The following IPO8 variants were observed in gnomAD, a reference collection of about 807,000 sequenced individuals.
IPO8 encodes the protein importin 8.
In IPO8, 65 loss-of-function variants were observed where a neutral mutation model predicts 141.2. The ratio of observed to expected loss-of-function variants is 0.46; its 90% CI spans 0.38 to 0.57. The LOEUF (loss-of-function observed/expected upper bound fraction) is 0.57, where lower values mean the gene tolerates loss of function less well. Ranked by LOEUF, IPO8 falls within the 20% of genes least tolerant of loss-of-function variation. The pLI is 0.00. For missense variants in IPO8, 980 were observed against 1,246.8 expected (o/e 0.79, Z 3.22); for synonymous variants, 411 against 420.3 (o/e 0.98, Z 0.27).
At position 30,665,387 on chromosome 12, in the gene IPO8, T is replaced by C. The variant is rs535453394; in HGVS notation, c.1339-78A>G. Reference sequence around the variant, plus strand: ...ACTTCCTAATCAAGTGTGTTTACTATGACTTGCATTTAATATACTTCTAAT... The same window carrying C: ...ACTTCCTAATCAAGTGTGTTTACTACGACTTGCATTTAATATACTTCTAAT... On this transcript the variant is annotated intron_variant, in intron 12 of 24. Coordinates refer to ENST00000256079, the MANE Select transcript of IPO8 (RefSeq NM_006390.4). 1,094 of 834,774 alleles carry C rather than the reference T, an allele frequency of 1.3e-3. 5 individuals are homozygous for C. The highest frequency in any genetic ancestry group is 2.9e-3 in the Middle Eastern group (13 of 4,482). 51.7% of individuals were successfully genotyped at this position (834,774 alleles called of 1,614,324 possible).
At chr12:30,667,072 T>C (rs1327514925) in intron 10 of IPO8, among the ~76,000 whole-genome samples, 3 of 152,166 alleles carry the variant, frequency 2.0e-5, no homozygotes, top group Non-Finnish European at 4.4e-5. Flanking sequence ...CTTGTTTAAA[T>C]ACAAAAGATA....
At chr12:30,644,145 A>G (rs1446343339) in intron 20 of IPO8, among the ~76,000 whole-genome samples, 1 of 152,172 alleles carries the variant, frequency 6.6e-6, no homozygotes, top group African/African-American at 2.4e-5. Flanking sequence ...AGGCAGGAGG[A>G]TCACTTGAAG....
Position 30,681,978 on chromosome 12 carries a change from C to T in IPO8, c.324-161G>A, listed in dbSNP as rs369075422. ...AAAAGACATATCTAAAAAACATCCT[C>T]AGTGGCTCAACTTGTTGAAAATAAA... On this transcript the variant is annotated intron_variant, in intron 3 of 24. Coordinates refer to ENST00000256079, the MANE Select transcript of IPO8 (RefSeq NM_006390.4). Among the ~76,000 whole-genome samples the T allele has an allele frequency of 4.5e-4, 68 of 152,270 alleles. No homozygotes were observed. The South Asian group carries it at 0.014, about 31-fold the overall frequency.
At chr12:30,671,568 G>T (rs2136159939) in intron 8 of IPO8, among the ~76,000 whole-genome samples, 2 of 151,784 alleles carry the variant, frequency 1.3e-5, no homozygotes, top group East Asian at 3.9e-4. Context: ...CAGCTACTGG[G>T]GAGGCTGAGG....
chr12:30,637,054 C>A lies in IPO8; in HGVS notation c.2623G>T (p.Val875Phe). 1 of 1,614,056 alleles carries A rather than the reference C, an allele frequency of 6.2e-7. No homozygotes were observed. Among genetic ancestry groups the A allele is most frequent in the East Asian group, 2.2e-5 (1 of 44,866 alleles). ...TTTACCAGTTGTCTAGTAGCACAGA[C>A]CTGCTTTAGGCCAAGGAAAAGGAAA... ...ILFLFLGLKQ[V>F]CATRQLVNRE... is the part of the protein sequence containing the mutation. The change falls in exon 22 of 25, where the codon GTC (valine) becomes TTC (phenylalanine). Residue 875 changes from valine (V) to phenylalanine (F), a missense_variant. Transcript: ENST00000256079.
chr12:30,680,432 T>C, intron 5 of IPO8, 50 bp downstream of exon 5: 1 of 1,443,300 alleles, frequency 6.9e-7, no homozygotes, highest in Non-Finnish European at 9.5e-7. Flanking sequence ...TTTCCATGTG[T>C]CAGGCAGAAA....
intron 19 of IPO8, among the ~76,000 whole-genome samples, chr12:30,650,286 A>G (rs1031907086): frequency 3.9e-5 from 6 of 152,104 alleles, no homozygotes; most frequent in Non-Finnish European, 8.8e-5. Flanking sequence ...ATTCCCATTT[A>G]ATTTCATTCT....
intron 3 of IPO8, among the ~76,000 whole-genome samples, chr12:30,683,542 T>C (rs1250615678): frequency 3.3e-5 from 5 of 152,216 alleles, no homozygotes; most frequent in Non-Finnish European, 7.4e-5. Flanking sequence ...GTTTCTCCTA[T>C]TTTAAGATTG....
chr12:30,645,138 C>T (rs190191745), intron 20 of IPO8, among the ~76,000 whole-genome samples: 1 of 151,730 alleles, frequency 6.6e-6, no homozygotes, highest in Non-Finnish European at 1.5e-5. Flanking sequence ...CTTTGGGGGG[C>T]TGAGGCTGGT....
At position 30,676,528 on chromosome 12, in the gene IPO8, G is replaced by C. The variant is rs2053122341; in HGVS notation, c.699C>G (p.Phe233Leu). The C allele has an allele frequency of 2.5e-6, 4 of 1,613,526 alleles. No individual in the cohort carries two copies. The highest frequency in any genetic ancestry group is 1.7e-4 in the Middle Eastern group (1 of 6,058). The change falls in exon 6 of 25, where the codon TTC (phenylalanine) becomes TTG (leucine). Residue 233 changes from phenylalanine (F) to leucine (L), a missense_variant. By Grantham distance (22) the Phe-to-Leu change is conservative (BLOSUM62 0). Around this residue, in one of 3 missense-constraint regions of IPO8, gnomAD observed 924 missense variants for 1,153.9 expected, o/e 0.80. Coordinates refer to ENST00000256079, the MANE Select transcript of IPO8 (RefSeq NM_006390.4). ...GAACGGTCCTGTCGATAATAGTTCG[G>C]AAGATCTCCATCCATGTTGTCATGG... ...NQTMTTWMEI[F>L]RTIIDRTVPP...
intron 14 of IPO8, 72 bp downstream of exon 14, chr12:30,663,411 CATGGAG>C: frequency 8.2e-7 from 1 of 1,225,836 alleles, no homozygotes; most frequent in Non-Finnish European, 1.1e-6. Flanking sequence ...AACCCTCAGA[CATGGAG>C]ATGCATCTTC....
At position 30,630,703 on chromosome 12, in the gene IPO8, G is replaced by T; in HGVS notation, c.*157C>A. On this transcript the variant is annotated 3_prime_UTR_variant, in exon 25 of 25. Transcript: ENST00000256079. Reference sequence around the variant, plus strand: ...ATATTTCAGGGTGACAAAGGTCAAAGGGGAAAGAGTAGATAAAAGTGCTGC... The same window carrying T: ...ATATTTCAGGGTGACAAAGGTCAAATGGGAAAGAGTAGATAAAAGTGCTGC... 7 of 600,034 alleles carry T rather than the reference G, an allele frequency of 1.2e-5. No homozygotes were observed. In the South Asian group the frequency reaches 1.5e-4, roughly 13 times the overall value. The allele number at this position is 600,034 out of a possible 1,614,324, so 37.2% of individuals were successfully genotyped here.
intron 20 of IPO8, among the ~76,000 whole-genome samples, chr12:30,641,814 T>G (rs896222250): frequency 6.6e-6 from 1 of 152,240 alleles, no homozygotes; most frequent in African/African-American, 2.4e-5. Context: ...GTAATTAAGA[T>G]GAGAACCAGA....
intron 20 of IPO8, among the ~76,000 whole-genome samples, chr12:30,640,970 C>T (rs2052567245): frequency 1.3e-5 from 2 of 152,244 alleles, no homozygotes; most frequent in East Asian, 1.9e-4. Context: ...TATAAACATA[C>T]AATTATGTCA....
chr12:30,652,096 C>T, intron 19 of IPO8, 96 bp downstream of exon 19: 1 of 646,680 alleles, frequency 1.5e-6, no homozygotes, highest in South Asian at 1.9e-5. Context: ...TAATGCAGAA[C>T]TAAATGTGTA....
intron 15 of IPO8, 135 bp from the exon 16 acceptor site, chr12:30,661,401 TGAA>T: frequency 6.6e-6 from 4 of 605,136 alleles, no homozygotes; most frequent in Non-Finnish European, 1.0e-5. Flanking sequence ...CTTTGCTGAC[TGAA>T]TCATCTCTCT....
chr12:30,646,279 A>G (rs1448312324), intron 20 of IPO8, among the ~76,000 whole-genome samples: 2 of 152,192 alleles, frequency 1.3e-5, no homozygotes, highest in Non-Finnish European at 2.9e-5. Context: ...ATAGATGCAG[A>G]AAAAAGCATT....
rs1423907451 is a variant in IPO8 at position 30,674,706 on chromosome 12, C to G, written c.777G>C (p.Trp259Cys). The change falls in exon 7 of 25, where the codon TGG becomes TGC. Residue 259 changes from tryptophan (W) to cysteine (C), a missense_variant. Around this residue, in one of 3 missense-constraint regions of IPO8, gnomAD observed 924 missense variants for 1,153.9 expected, o/e 0.80. Coordinates refer to ENST00000256079, the MANE Select transcript of IPO8 (RefSeq NM_006390.4). ...TATGCAGTGCCCACTTCTTACACTT[C>G]CACCATACCAGTTCTGGTCTATCAT... is the stretch of plus-strand genomic sequence containing the variant. ...DEDDRPELVW[W>C]KCKKWALHIV... is the part of the protein sequence containing the mutation. 6.2e-7 allele frequency: 1 copy of G among 1,613,776 alleles called. No individual in the cohort carries two copies. The highest frequency in any genetic ancestry group is 1.1e-5 in the South Asian group (1 of 91,072).
At chr12:30,650,358 GA>G (rs1167899074) in intron 19 of IPO8, among the ~76,000 whole-genome samples, 1 of 151,980 alleles carries the variant, frequency 6.6e-6, no homozygotes, top group Non-Finnish European at 1.5e-5. Context: ...TACAAAGACA[GA>G]AAAAAGTAGA....
Sources: allele counts gnomAD v4.1 joint callset (sites outside exome capture counted in the v4.1 genomes callset), GRCh38; gene constraint gnomAD v4.1.1; regional missense constraint gnomAD v4.1.1; transcripts MANE v1.5; gene names NCBI Gene and HGNC (gene_info 2026-07-23, HGNC 2026-07-21).